Variants in TMEM255B observed in about 807,000 individuals in gnomAD.
TMEM255B encodes the protein family with sequence similarity 70, member B.
A neutral mutation model predicts 34.5 loss-of-function variants in TMEM255B; 35 were observed. The ratio of observed to expected loss-of-function variants is 1.01; its 90% CI spans 0.77 to 1.34. The LOEUF is 1.34. Ranked by LOEUF, TMEM255B falls within the 40% of genes most tolerant of loss-of-function variation. The probability of loss-of-function intolerance (pLI) is 0.00; values close to 1 mark genes in which losing one functional copy is unlikely to be tolerated. For synonymous variants in TMEM255B, 206 were observed against 201.2 expected (o/e 1.02, Z -0.20); for missense variants, 432 against 433.2 (o/e 1.00, Z 0.02).
At chr13:113,805,062 G>T (rs748265001) in intron 8 of TMEM255B, 34 bp downstream of exon 8, 4 of 1,566,412 alleles carry the variant, frequency 2.6e-6, no homozygotes, top group African/African-American at 2.7e-5. Context: ...AGTTGGACGC[G>T]CTGGTCACAG....
At chr13:113,790,463 C>T (rs1389622144) in intron 3 of TMEM255B, among the ~76,000 whole-genome samples, 7 of 87,740 alleles carry the variant, frequency 8.0e-5, no homozygotes, top group Non-Finnish European at 1.4e-4. Context: ...GTGGACTGAC[C>T]GGACACGTAG....
At chr13:113,790,664 G>A (rs2050817787) in intron 3 of TMEM255B, among the ~76,000 whole-genome samples, 6 of 138,860 alleles carry the variant, frequency 4.3e-5, no homozygotes, top group Admixed American at 7.2e-5. Flanking sequence ...CCGGACACGT[G>A]GACATCCTAG....
At chr13:113,773,898 C>T (rs2050516267) in intron 3 of TMEM255B, among the ~76,000 whole-genome samples, 2 of 152,180 alleles carry the variant, frequency 1.3e-5, no homozygotes, top group Non-Finnish European at 2.9e-5. Context: ...GATGTCAGAA[C>T]ATTCAAGTTA....
In TMEM255B at chr13:113,806,511, A is replaced by G. The variant is rs1039500581; in HGVS notation, c.813+1483A>G. On this transcript the variant is annotated intron_variant, in intron 8 of 8. Coordinates refer to ENST00000375353, the MANE Select transcript of TMEM255B (RefSeq NM_182614.4). The surrounding 1 kb of genome is among the most constrained non-coding windows in gnomAD (Gnocchi z 4.2). Reference sequence around the variant, plus strand: ...CTGGGGCCCTGCTCCCTGGGAACACAAGGCCCCTGCTGGAGGTCTGGCCTG... The same window carrying G: ...CTGGGGCCCTGCTCCCTGGGAACACGAGGCCCCTGCTGGAGGTCTGGCCTG... 6.6e-6 allele frequency among the ~76,000 whole-genome samples: 1 copy of G among 152,090 alleles called. No homozygotes were observed. Among genetic ancestry groups the G allele is most frequent in the Non-Finnish European group, 1.5e-5 (1 of 68,008 alleles).
intron 4 of TMEM255B, among the ~76,000 whole-genome samples, chr13:113,798,682 G>A (rs1355023491): frequency 6.6e-6 from 1 of 150,590 alleles, no homozygotes; most frequent in Non-Finnish European, 1.5e-5. Context: ...ATGGATGATG[G>A]GTGGATGGAT....
chr13:113,795,955 T>TACACAACAGAGCACAAAGCACAC (rs2050921680), intron 4 of TMEM255B, among the ~76,000 whole-genome samples: 15 of 29,246 alleles, frequency 5.1e-4, no homozygotes, highest in African/African-American at 2.1e-3. Context: ...ACACAGCACA[T>TACACAACAGAGCACAAAGCACAC]ACACAACAGA....
At chr13:113,789,861 C>G (rs568418441) in intron 3 of TMEM255B, among the ~76,000 whole-genome samples, 1 of 152,004 alleles carries the variant, frequency 6.6e-6, no homozygotes, top group African/African-American at 2.4e-5. Flanking sequence ...TGACTGGGCA[C>G]GTGAACATCC....
intron 2 of TMEM255B, chr13:113,768,119 A>G: frequency 4.4e-6 from 2 of 451,814 alleles, no homozygotes; most frequent in African/African-American, 2.0e-5. Context: ...AGCAACTCCA[A>G]GGCTGTGCCG....
chr13:113,778,958 A>G (rs1418494020), intron 3 of TMEM255B, among the ~76,000 whole-genome samples: 2 of 152,248 alleles, frequency 1.3e-5, no homozygotes, highest in Non-Finnish European at 2.9e-5. Context: ...GTTGGAGAAT[A>G]AACCCTAGAG....
rs568766975 is a variant in TMEM255B at position 113,767,704 on chromosome 13, C to T, written c.190-1394C>T. Reference sequence around the variant, plus strand: ...ACAAATAAAAGCAGCTTCAAGGAAACGTGGCTAAGAGTCACTTCTGTGGAG... The same window carrying T: ...ACAAATAAAAGCAGCTTCAAGGAAATGTGGCTAAGAGTCACTTCTGTGGAG... On this transcript the variant is annotated intron_variant, in intron 2 of 8. Coordinates refer to ENST00000375353, the MANE Select transcript of TMEM255B (RefSeq NM_182614.4). 2.0e-4 allele frequency among the ~76,000 whole-genome samples: 30 copies of T among 152,320 alleles called. No homozygotes were observed. The South Asian group carries it at 4.8e-3, about 24-fold the overall frequency.
At chr13:113,809,365 G>T (rs561470511) in intron 8 of TMEM255B, among the ~76,000 whole-genome samples, 1 of 101,842 alleles carries the variant, frequency 9.8e-6, no homozygotes, top group Non-Finnish European at 1.9e-5. Context: ...GGGGGGAGGG[G>T]TTACTCTGTG....
rs1448758622 is a variant in TMEM255B at position 113,800,469 on chromosome 13, C to T, written c.424-358C>T. 6.7e-4 allele frequency among the ~76,000 whole-genome samples: 102 copies of T among 152,072 alleles called. 1 individual carries two copies. The highest frequency in any genetic ancestry group is 1.5e-5 in the Non-Finnish European group (1 of 67,978). On this transcript the variant is annotated intron_variant, in intron 5 of 8. Coordinates refer to ENST00000375353, the MANE Select transcript of TMEM255B (RefSeq NM_182614.4). ...GGGACGGGGCCTGTTCTGCCGCCCTCCGGGCTCTCAGGCTTCTGTGCACCC... is the reference window on the plus strand; with the variant it reads ...GGGACGGGGCCTGTTCTGCCGCCCTTCGGGCTCTCAGGCTTCTGTGCACCC...
rs1476988351 is a variant in TMEM255B, at chr13:113,810,851, C to T, written c.814-885C>T. Among the ~76,000 whole-genome samples, 7 of 152,230 alleles carry T rather than the reference C, an allele frequency of 4.6e-5. No individual in the cohort carries two copies. The South Asian group carries it at 6.2e-4, about 13-fold the overall frequency. ...CCACGGTGACACTGAACCAGCCACA[C>T]GCTGCTGGACGTGTGGACGTGTGGG... On this transcript the variant is annotated intron_variant, in intron 8 of 8. Transcript: ENST00000375353.
intron 3 of TMEM255B, among the ~76,000 whole-genome samples, chr13:113,794,252 G>A (rs1203952265): frequency 6.6e-6 from 1 of 152,154 alleles, no homozygotes; most frequent in Non-Finnish European, 1.5e-5. Context: ...TGCTCGGTCG[G>A]CTCTGCTCTG....
chr13:113,799,669 G>A, intron 5 of TMEM255B: 1 of 663,366 alleles, frequency 1.5e-6, no homozygotes, highest in Non-Finnish European at 2.8e-6. Context: ...GAGTGCACGT[G>A]TCCAGTTCTG....
chr13:113,793,687 C>G (rs368313086), intron 3 of TMEM255B, among the ~76,000 whole-genome samples: 58 of 152,380 alleles, frequency 3.8e-4, no homozygotes, highest in African/African-American at 1.3e-3. Flanking sequence ...GTTGACAGCT[C>G]TTCCTCTGCT....
At chr13:113,793,376 G>T (rs1272157988) in intron 3 of TMEM255B, among the ~76,000 whole-genome samples, 1 of 152,274 alleles carries the variant, frequency 6.6e-6, no homozygotes, top group African/African-American at 2.4e-5. Context: ...CGTCTGATCT[G>T]CTGTGGAGGA....
chr13:113,801,631 C>T (rs766890780), intron 6 of TMEM255B, 22 bp from the exon 7 acceptor site: 3 of 1,571,808 alleles, frequency 1.9e-6, no homozygotes, highest in Non-Finnish European at 2.6e-6. Context: ...TGCGGTGACG[C>T]CATGGTGCCC....
At chr13:113,797,785 T>G (rs1377370743) in intron 4 of TMEM255B, among the ~76,000 whole-genome samples, 1 of 152,250 alleles carries the variant, frequency 6.6e-6, no homozygotes, top group Non-Finnish European at 1.5e-5. Flanking sequence ...TGAGAAATAC[T>G]AATAAAACTA....
Sources: gnomAD v4.1 joint callset for allele counts (sites outside exome capture counted in the v4.1 genomes callset) on GRCh38, gnomAD v4.1.1 for gene constraint, Gnocchi (gnomAD v3.1) non-coding constraint, MANE v1.5 for transcripts, NCBI Gene and HGNC (gene_info 2026-07-23, HGNC 2026-07-21) for gene names.